The following IGF2BP2 variants were observed in gnomAD, a reference collection of about 807,000 sequenced individuals.
IGF2BP2 encodes insulin-like growth factor 2 mRNA-binding protein 2.
In IGF2BP2, 17 loss-of-function variants were observed where a neutral mutation model predicts 75.8. That is an observed-to-expected ratio of 0.22 (90% CI 0.15 to 0.34). The LOEUF is 0.34. Ranked by LOEUF, IGF2BP2 falls within the 10% of genes least tolerant of loss-of-function variation. The pLI, the probability that IGF2BP2 is intolerant of heterozygous loss-of-function variation, is 1.00. For synonymous variants in IGF2BP2, 288 were observed against 295.6 expected, an observed-to-expected ratio of 0.97 and a Z score of 0.26; for missense variants, 516 against 772.4, an observed-to-expected ratio of 0.67 and a Z score of 3.93.
intron 2 of IGF2BP2, among the ~76,000 whole-genome samples, chr3:185,723,269 C>G (rs1048671630): frequency 2.0e-5 from 3 of 152,148 alleles, no homozygotes; most frequent in Admixed American, 6.5e-5. Flanking sequence ...TGATTTCTAT[C>G]CCTTGGAAAT....
At chr3:185,718,077 T>A (rs977789475) in intron 2 of IGF2BP2, 2 of 152,262 alleles carry the variant, frequency 1.3e-5, no homozygotes, top group African/African-American at 4.8e-5. Flanking sequence ...TTAATAGGCA[T>A]CTGACTAGGG....
intron 2 of IGF2BP2, among the ~76,000 whole-genome samples, chr3:185,804,478 T>A (rs894029368): frequency 1.3e-5 from 2 of 152,164 alleles, no homozygotes; most frequent in Non-Finnish European, 1.5e-5. Context: ...AGTATTGATA[T>A]ATAACTGATA....
Position 185,647,192 on chromosome 3 carries a change from G to T in IGF2BP2, c.1594-54C>A. 1 of 1,292,906 alleles carries T rather than the reference G, an allele frequency of 7.7e-7. No homozygotes were observed. The highest frequency in any genetic ancestry group is 1.1e-6 in the Non-Finnish European group (1 of 887,460). The allele number at this position is 1,292,906 out of a possible 1,614,324, so 80.1% of individuals were successfully genotyped here. A position where few individuals can be genotyped will look rare whatever the true frequency, so the allele number is the denominator to read the frequency against. ...GATAGGTTCCCTCCCCGTCAACGTG[G>T]TGGGCTCAGGACGGAGTGAGGGGCC... On this transcript the variant is annotated intron_variant, in intron 14 of 15. Coordinates refer to ENST00000382199, the MANE Select transcript of IGF2BP2 (RefSeq NM_006548.6). This position sits in a 1 kb window ranked among gnomAD's most constrained non-coding sequence, Gnocchi z 4.9.
chr3:185,823,033 A>C, intron 2 of IGF2BP2, 120 bp downstream of exon 2: 1 of 620,392 alleles, frequency 1.6e-6, no homozygotes, highest in East Asian at 3.0e-5. Context: ...ATCTCCACTA[A>C]CAAAACAAAC....
Position 185,710,309 on chromosome 3 carries a change from T to G in IGF2BP2, c.240-11962A>C, listed in dbSNP as rs117317371. On this transcript the variant is annotated intron_variant, in intron 2 of 15. Coordinates refer to ENST00000382199, the MANE Select transcript of IGF2BP2 (RefSeq NM_006548.6). Reference sequence around the variant, plus strand: ...GGCAAGTTAAAGATGGGGTAGGTATTGTGTGCATAACAGCATGGGACACCT... The same window carrying G: ...GGCAAGTTAAAGATGGGGTAGGTATGGTGTGCATAACAGCATGGGACACCT... Among the ~76,000 whole-genome samples, 51 of 152,158 alleles carry G rather than the reference T, an allele frequency of 3.4e-4. No homozygotes were observed. In the East Asian group the frequency reaches 7.9e-3, roughly 24 times the overall value.
At chr3:185,657,217 G>A in intron 12 of IGF2BP2, 69 bp downstream of exon 12, 1 of 1,054,464 alleles carries the variant, frequency 9.5e-7, no homozygotes, top group South Asian at 1.3e-5. Flanking sequence ...CTGGGACTGA[G>A]AGGGAACAAG....
intron 12 of IGF2BP2, among the ~76,000 whole-genome samples, chr3:185,656,565 C>CA: frequency 6.6e-6 from 1 of 152,346 alleles, no homozygotes; most frequent in East Asian, 1.9e-4. Context: ...TGCGTAACAA[C>CA]AAAAACTCTG....
At chr3:185,763,890 C>T (rs895834354) in intron 2 of IGF2BP2, among the ~76,000 whole-genome samples, 4 of 151,922 alleles carry the variant, frequency 2.6e-5, no homozygotes, top group Admixed American at 1.3e-4. Context: ...GGAAAGTTGA[C>T]GGGTGGAGAA....
chr3:185,658,774 C>T (rs1715904330), intron 10 of IGF2BP2, among the ~76,000 whole-genome samples: 1 of 152,168 alleles, frequency 6.6e-6, no homozygotes, highest in Non-Finnish European at 1.5e-5. Flanking sequence ...GGTGGAGAGG[C>T]GGGGCCAGTG....
chr3:185,815,787 A>C (rs751843126), intron 2 of IGF2BP2, among the ~76,000 whole-genome samples: 2 of 152,138 alleles, frequency 1.3e-5, no homozygotes, highest in Non-Finnish European at 2.9e-5. Flanking sequence ...TAAACAGTCC[A>C]TAAGAGTTAA....
intron 2 of IGF2BP2, among the ~76,000 whole-genome samples, chr3:185,767,152 C>T (rs1401489374): frequency 1.3e-5 from 2 of 152,234 alleles, no homozygotes; most frequent in Non-Finnish European, 2.9e-5. Flanking sequence ...GGCAACAGCT[C>T]TCTTGGCAGA....
At chr3:185,673,739 C>T (rs1253620512) in intron 9 of IGF2BP2, among the ~76,000 whole-genome samples, 2 of 152,140 alleles carry the variant, frequency 1.3e-5, no homozygotes, top group Admixed American at 6.5e-5. Context: ...TAGCAGTGCT[C>T]GTATCCTTCA....
At chr3:185,768,171 C>T (rs570010535) in intron 2 of IGF2BP2, among the ~76,000 whole-genome samples, 121 of 152,290 alleles carry the variant, frequency 7.9e-4, no homozygotes, top group African/African-American at 2.8e-3. Context: ...TTCTTAGTGG[C>T]ATCATGACAC....
At position 185,746,314 on chromosome 3, in the gene IGF2BP2, C is replaced by T. The variant is rs139379104; in HGVS notation, c.240-47967G>A. Among the ~76,000 whole-genome samples the T allele has an allele frequency of 3.3e-3, 509 of 152,216 alleles. 15 individuals carry two copies. Among genetic ancestry groups the T allele is most frequent in the Admixed American group, 0.029 (449 of 15,276 alleles). On this transcript the variant is annotated intron_variant, in intron 2 of 15. Transcript: ENST00000382199. ...CCCAGCGCCACTAAAGCCAAGACACCACCTAACTGCTCACAGCGACCATGG... is the reference window on the plus strand; with the variant it reads ...CCCAGCGCCACTAAAGCCAAGACACTACCTAACTGCTCACAGCGACCATGG...
chr3:185,694,922 A>C (rs1368362115), intron 4 of IGF2BP2, among the ~76,000 whole-genome samples: 1 of 152,098 alleles, frequency 6.6e-6, no homozygotes. Flanking sequence ...CCCTGTCTCT[A>C]CTAAAACTAC....
At chr3:185,717,479 G>C (rs1454259745) in intron 2 of IGF2BP2, 1 of 152,274 alleles carries the variant, frequency 6.6e-6, no homozygotes, top group East Asian at 1.9e-4. Flanking sequence ...TTTACTCTGA[G>C]AATAGGACTC....
intron 2 of IGF2BP2, among the ~76,000 whole-genome samples, chr3:185,781,819 T>C (rs994928757): frequency 1.3e-5 from 2 of 152,134 alleles, no homozygotes; most frequent in Admixed American, 1.3e-4. Flanking sequence ...ATGAGTGCGT[T>C]TGCTTTGGGG....
At chr3:185,755,862 C>A (rs768118454) in intron 2 of IGF2BP2, among the ~76,000 whole-genome samples, 1 of 152,168 alleles carries the variant, frequency 6.6e-6, no homozygotes, top group Non-Finnish European at 1.5e-5. Context: ...AGAAGGAAAT[C>A]GGCTGTGAGT....
chr3:185,737,537 C>T (rs1729012225), intron 2 of IGF2BP2, among the ~76,000 whole-genome samples: 1 of 152,032 alleles, frequency 6.6e-6, no homozygotes, highest in South Asian at 2.1e-4. Flanking sequence ...AGAATGTGTG[C>T]ATATAGTATT....
Sources: gnomAD v4.1 joint callset for allele counts (sites outside exome capture counted in the v4.1 genomes callset) on GRCh38, gnomAD v4.1.1 for gene constraint, Gnocchi (gnomAD v3.1) non-coding constraint, MANE v1.5 for transcripts, NCBI Gene and HGNC (gene_info 2026-07-23, HGNC 2026-07-21) for gene names.